PTPRD: variants seen among roughly 807,000 people sequenced by gnomAD.
PTPRD encodes the protein protein tyrosine phosphatase receptor type D.
Under a neutral mutation model 214.5 loss-of-function variants are expected in PTPRD, and 34 were observed. The observed-to-expected ratio is 0.16, with a 90% CI of 0.12 to 0.21. The LOEUF (loss-of-function observed/expected upper bound fraction) is 0.21. PTPRD is among the 10% of genes least tolerant of loss of function. The pLI is 1.00. For missense variants in PTPRD, 2,545 were observed against 2,398.7 expected, an observed-to-expected ratio of 1.06 and a Z score of -1.27; for synonymous variants, 1,128 against 845.7, an observed-to-expected ratio of 1.33 and a Z score of -5.79.
intron 3 of PTPRD, among the ~76,000 whole-genome samples, chr9:10,330,664 T>C (rs901656952): frequency 6.6e-6 from 1 of 151,848 alleles, no homozygotes; most frequent in African/African-American, 2.4e-5. Context: ...CAAGAGATAT[T>C]TGCACACGAT....
At chr9:9,004,863 A>G (rs774875609) in intron 11 of PTPRD, among the ~76,000 whole-genome samples, 1 of 152,048 alleles carries the variant, frequency 6.6e-6, no homozygotes, top group Non-Finnish European at 1.5e-5. Flanking sequence ...AACAAACAAA[A>G]CAAAACAAAA....
At chr9:9,346,271 CTG>C (rs961724973) in intron 9 of PTPRD, among the ~76,000 whole-genome samples, 7 of 152,068 alleles carry the variant, frequency 4.6e-5, no homozygotes, top group African/African-American at 1.4e-4. Flanking sequence ...AGAAAGAAAA[CTG>C]TACAGCAAAC....
intron 7 of PTPRD, among the ~76,000 whole-genome samples, chr9:9,627,517 C>G (rs949898337): frequency 2.1e-4 from 32 of 152,192 alleles, no homozygotes; most frequent in Non-Finnish European, 7.3e-5. Context: ...AGTAGAACTT[C>G]ACAGTGTTTT....
chr9:10,503,439 A>G (rs960692256), intron 2 of PTPRD, among the ~76,000 whole-genome samples: 2 of 152,070 alleles, frequency 1.3e-5, no homozygotes, highest in Admixed American at 6.6e-5. Flanking sequence ...CAAATAATCA[A>G]GTCAATTTTT....
chr9:9,819,564 G>A (rs55678433), intron 5 of PTPRD, among the ~76,000 whole-genome samples: 24,031 of 152,044 alleles, frequency 0.16, 1,986 homozygotes, highest in Non-Finnish European at 0.18. Flanking sequence ...TGTTACCTGT[G>A]TACGTTGTGT....
At chr9:10,177,250 T>C in intron 3 of PTPRD, among the ~76,000 whole-genome samples, 1 of 151,718 alleles carries the variant, frequency 6.6e-6, no homozygotes, top group East Asian at 1.9e-4. Flanking sequence ...GGAGCCAATG[T>C]TGAAAGAGAA....
chr9:10,363,611 T>G (rs967662013), intron 2 of PTPRD, among the ~76,000 whole-genome samples: 11 of 152,214 alleles, frequency 7.2e-5, no homozygotes, highest in African/African-American at 2.7e-4. Context: ...CAACACATAT[T>G]TAACCATTTG....
At chr9:8,556,883 T>C (rs1464716227) in intron 14 of PTPRD, among the ~76,000 whole-genome samples, 1 of 152,180 alleles carries the variant, frequency 6.6e-6, no homozygotes, top group Non-Finnish European at 1.5e-5. Context: ...AGTAACCTAA[T>C]GAATTAGAAA....
At chr9:8,451,508 G>A (rs146736270) in intron 33 of PTPRD, among the ~76,000 whole-genome samples, 2 of 152,146 alleles carry the variant, frequency 1.3e-5, no homozygotes, top group African/African-American at 4.8e-5. Flanking sequence ...AAGACCATGC[G>A]AAAGGAGGAC....
At chr9:9,622,814 G>T (rs993006984) in intron 7 of PTPRD, among the ~76,000 whole-genome samples, 2 of 152,080 alleles carry the variant, frequency 1.3e-5, no homozygotes, top group Non-Finnish European at 1.5e-5. Flanking sequence ...TCACAACAGG[G>T]GTCTTTATTA....
intron 4 of PTPRD, among the ~76,000 whole-genome samples, chr9:10,030,542 G>A (rs2097039915): frequency 6.6e-6 from 1 of 152,132 alleles, no homozygotes. Flanking sequence ...AGACTGAAAA[G>A]AGAAGAAACA....
intron 8 of PTPRD, among the ~76,000 whole-genome samples, chr9:9,519,423 A>G (rs2096913013): frequency 6.6e-6 from 1 of 151,922 alleles, no homozygotes; most frequent in Non-Finnish European, 1.5e-5. Context: ...AGAAATGACT[A>G]ATACAACTAA....
At chr9:8,515,432 T>A (rs1015085484) in intron 21 of PTPRD, among the ~76,000 whole-genome samples, 1 of 152,212 alleles carries the variant, frequency 6.6e-6, no homozygotes, top group Admixed American at 6.5e-5. Flanking sequence ...TGTTATGAAT[T>A]TTATTGCATC....
At chr9:10,169,251 G>A (rs937454119) in intron 3 of PTPRD, among the ~76,000 whole-genome samples, 3 of 151,804 alleles carry the variant, frequency 2.0e-5, no homozygotes, top group African/African-American at 7.3e-5. Context: ...GAGGCAGGCG[G>A]ATCACGAGGT....
At chr9:9,748,212 C>G (rs1438354166) in intron 6 of PTPRD, among the ~76,000 whole-genome samples, 1 of 152,120 alleles carries the variant, frequency 6.6e-6, no homozygotes, top group South Asian at 2.1e-4. Context: ...TCTTCTATGT[C>G]TTATTACTTT....
intron 3 of PTPRD, among the ~76,000 whole-genome samples, chr9:10,187,337 C>G (rs1212550699): frequency 6.6e-6 from 1 of 152,118 alleles, no homozygotes; most frequent in South Asian, 2.1e-4. Flanking sequence ...GAGAGGTAGC[C>G]AATATCATCT....
intron 9 of PTPRD, among the ~76,000 whole-genome samples, chr9:9,369,822 T>C (rs896919362): frequency 3.3e-5 from 5 of 152,348 alleles, no homozygotes; most frequent in Non-Finnish European, 7.3e-5. Context: ...TTCAGCTTTC[T>C]ACATATGGCT....
At chr9:10,411,600 GA>G (rs2098436804) in intron 2 of PTPRD, among the ~76,000 whole-genome samples, 1 of 151,672 alleles carries the variant, frequency 6.6e-6, no homozygotes, top group Non-Finnish European at 1.5e-5. Flanking sequence ...CTTACTTGCT[GA>G]TTTGCTATAT....
intron 7 of PTPRD, among the ~76,000 whole-genome samples, chr9:9,627,656 C>G (rs2095465610): frequency 6.6e-6 from 1 of 151,982 alleles, no homozygotes. Context: ...CCTATTTTTT[C>G]TAATAAAGAC....
Sources: gnomAD v4.1 joint callset for allele counts (sites outside exome capture counted in the v4.1 genomes callset) on GRCh38, gnomAD v4.1.1 for gene constraint, MANE v1.5 for transcripts, NCBI Gene and HGNC (gene_info 2026-07-23, HGNC 2026-07-21) for gene names.